Variants in NDUFA10 observed in about 807,000 individuals in gnomAD.
NDUFA10 encodes the protein NADH dehydrogenase [ubiquinone] 1 alpha subcomplex subunit 10, mitochondrial.
NDUFA10 carries 40 observed loss-of-function variants against 47.8 expected under a neutral mutation model. The ratio of observed to expected loss-of-function variants is 0.84; its 90% CI spans 0.65 to 1.09. The LOEUF (loss-of-function observed/expected upper bound fraction) is 1.09, where lower values mean the gene tolerates loss of function less well. Among genes scored for constraint, NDUFA10 ranks in the 50% least tolerant of loss-of-function variants. The pLI, the probability that NDUFA10 is intolerant of heterozygous loss-of-function variation, is 0.00. For synonymous variants in NDUFA10, 183 were observed against 172.2 expected, an observed-to-expected ratio of 1.06 and a Z score of -0.49; for missense variants, 413 against 451.1, an observed-to-expected ratio of 0.92 and a Z score of 0.76.
chr2:239,963,152 C>A (rs6722915), intron 9 of NDUFA10, among the ~76,000 whole-genome samples: 69,075 of 151,660 alleles, frequency 0.46, 15,985 homozygotes, highest in African/African-American at 0.53. Context: ...GGGACACACA[C>A]AAAAAAAGAA....
chr2:239,960,763 TG>T lies in NDUFA10; in HGVS notation c.*354del. On this transcript the variant is annotated 3_prime_UTR_variant, in exon 10 of 10. Transcript: ENST00000252711. ...ATTCCCATGGAAACACTTTTATTTC[TG>T]GAAGTCAGAAGAAAAACAATGTGCA... is the stretch of plus-strand genomic sequence containing the variant. 2 of 1,212,768 alleles carry T rather than the reference TG, an allele frequency of 1.6e-6. No individual in the cohort carries two copies. The highest frequency in any genetic ancestry group is 2.1e-6 in the Non-Finnish European group (2 of 958,668). The allele number at this position is 1,212,768 out of a possible 1,614,324, so 75.1% of individuals were successfully genotyped here.
rs1694734191 is a variant in NDUFA10, at chr2:239,958,881, CT to C, written c.*2236del. ...TGATTATTTCCTGATCTCCAAAGCA[CT>C]GAGAAGTCCAACATGGAATCCTGGA... On this transcript the variant is annotated 3_prime_UTR_variant, in exon 10 of 10. Coordinates refer to ENST00000252711, the MANE Select transcript of NDUFA10 (RefSeq NM_004544.4). 1.1e-6 allele frequency: 1 copy of C among 934,674 alleles called. No homozygotes were observed. The highest frequency in any genetic ancestry group is 1.2e-4 in the East Asian group (1 of 8,548). The allele number at this position is 934,674 out of a possible 1,614,324, so 57.9% of individuals were successfully genotyped here.
Position 239,959,504 on chromosome 2 carries a change from C to T in NDUFA10, c.*1614G>A. 1 of 985,500 alleles carries T rather than the reference C, an allele frequency of 1.0e-6. No individual in the cohort carries two copies. Among genetic ancestry groups the T allele is most frequent in the Non-Finnish European group, 1.2e-6 (1 of 829,942 alleles). 61.0% of individuals were successfully genotyped at this position (985,500 alleles called of 1,614,324 possible). On this transcript the variant is annotated 3_prime_UTR_variant, in exon 10 of 10. Coordinates refer to ENST00000252711, the MANE Select transcript of NDUFA10 (RefSeq NM_004544.4). ...GTGACTGGCCCAATGCCCAGCTGTG[C>T]TTTCATTTCATGATTAAAGCTGTTG...
rs1156768140 is a variant in NDUFA10 at position 239,980,033 on chromosome 2, C to T, written c.999+10041G>A. Reference sequence around the variant, plus strand: ...CCTGCTCCCCTACACCCCCACATCCCTCAGTCCCCTGCGTCAGGTGCCTGA... The same window carrying T: ...CCTGCTCCCCTACACCCCCACATCCTTCAGTCCCCTGCGTCAGGTGCCTGA... On this transcript the variant is annotated intron_variant, in intron 9 of 9. Coordinates refer to ENST00000252711, the MANE Select transcript of NDUFA10 (RefSeq NM_004544.4). Among the ~76,000 whole-genome samples, 5 of 152,298 alleles carry T rather than the reference C, an allele frequency of 3.3e-5. No individual in the cohort carries two copies. The East Asian group carries it at 7.7e-4, about 24-fold the overall frequency.
chr2:239,966,875 AAGAG>A (rs1448636346), intron 9 of NDUFA10, among the ~76,000 whole-genome samples: 1 of 123,954 alleles, frequency 8.1e-6, no homozygotes, highest in Non-Finnish European at 1.6e-5. Context: ...TTTTTTCCCT[AAGAG>A]AGAGAGATTA....
At chr2:239,968,870 C>CG (rs1302140001) in intron 9 of NDUFA10, among the ~76,000 whole-genome samples, 42 of 152,276 alleles carry the variant, frequency 2.8e-4, no homozygotes, top group Middle Eastern at 3.4e-3. Flanking sequence ...TCTCGCTGCA[C>CG]GCATGCAGCA....
intron 1 of NDUFA10, among the ~76,000 whole-genome samples, chr2:240,023,447 T>G (rs993457183): frequency 1.3e-5 from 2 of 152,152 alleles, no homozygotes; most frequent in African/African-American, 2.4e-5. Context: ...AGACAATGAG[T>G]ACCATCCTAA....
intron 4 of NDUFA10, among the ~76,000 whole-genome samples, chr2:239,914,958 TACACACAGAACAC>T (rs1414023785): frequency 3.1e-5 from 4 of 131,008 alleles, no homozygotes; most frequent in African/African-American, 1.2e-4. Context: ...TATATAAACA[TACACACAGAACAC>T]ACACACAGAC....
intron 4 of NDUFA10, among the ~76,000 whole-genome samples, chr2:240,015,777 C>T (rs563872078): frequency 6.6e-6 from 1 of 152,364 alleles, no homozygotes; most frequent in African/African-American, 2.4e-5. Context: ...GAGAAGCCAT[C>T]CCCTCTGCAG....
intron 4 of NDUFA10, among the ~76,000 whole-genome samples, chr2:239,903,626 A>T (rs1294442446): frequency 6.6e-6 from 1 of 152,274 alleles, no homozygotes; most frequent in Non-Finnish European, 1.5e-5. Flanking sequence ...TTATAAGGAA[A>T]AGAATGTCAA....
intron 3 of NDUFA10, among the ~76,000 whole-genome samples, 172 bp from the exon 4 acceptor site, chr2:240,018,811 A>G (rs1697480425): frequency 6.6e-6 from 1 of 152,230 alleles, no homozygotes; most frequent in Non-Finnish European, 1.5e-5. Flanking sequence ...ATTTTCAAAA[A>G]CTGAAGTATC....
intron 4 of NDUFA10, among the ~76,000 whole-genome samples, chr2:240,017,342 C>T (rs1033854135): frequency 4.6e-5 from 7 of 152,154 alleles, no homozygotes; most frequent in Admixed American, 3.9e-4. Context: ...CTGTGGCACA[C>T]GCAGGCTTCT....
intron 1 of NDUFA10, among the ~76,000 whole-genome samples, 173 bp from the exon 2 acceptor site, chr2:240,022,513 C>T (rs1697666066): frequency 6.6e-6 from 1 of 152,116 alleles, no homozygotes; most frequent in Non-Finnish European, 1.5e-5. Flanking sequence ...ACCACTCTGT[C>T]CATGTAAGTT....
At chr2:239,974,958 C>T (rs1695458990) in intron 9 of NDUFA10, among the ~76,000 whole-genome samples, 1 of 102,852 alleles carries the variant, frequency 9.7e-6, no homozygotes, top group Non-Finnish European at 2.0e-5. Context: ...AAACATGTGA[C>T]ACTCCTCCGC....
intron 9 of NDUFA10, among the ~76,000 whole-genome samples, chr2:239,977,608 A>G (rs1429134814): frequency 6.6e-6 from 1 of 152,228 alleles, no homozygotes; most frequent in South Asian, 2.1e-4. Context: ...AGAGAGACTC[A>G]TTAGCCATCA....
intron 4 of NDUFA10, among the ~76,000 whole-genome samples, chr2:239,940,890 G>A (rs572615301): frequency 3.6e-4 from 55 of 152,342 alleles, no homozygotes; most frequent in African/African-American, 1.2e-3. Context: ...AGAGTTATAA[G>A]ATAGTTCTAA....
chr2:239,906,004 C>T lies in NDUFA10; in HGVS notation c.295-10690G>A, dbSNP rs562371828. 2.9e-4 allele frequency among the ~76,000 whole-genome samples: 44 copies of T among 152,220 alleles called. No individual in the cohort carries two copies. Among genetic ancestry groups the T allele is most frequent in the African/African-American group, 9.6e-4 (40 of 41,534 alleles). On this transcript the variant is annotated intron_variant, in intron 4 of 5. Transcript: ENST00000419408. This position sits in a 1 kb window ranked among gnomAD's most constrained non-coding sequence, Gnocchi z 4.3. ...TCCCATGCGCGGGAGGCCTGGCCTC[C>T]TGTGGTGGGATCAGAATTCCCCTAA...
intron 9 of NDUFA10, among the ~76,000 whole-genome samples, chr2:239,966,466 G>A (rs1695063160): frequency 6.6e-6 from 1 of 152,148 alleles, no homozygotes; most frequent in Non-Finnish European, 1.5e-5. Context: ...TGGGAATGTG[G>A]ATCTGTACTT....
Position 239,969,880 on chromosome 2 carries a change from A to C in NDUFA10, c.1000-8694T>G. On this transcript the variant is annotated intron_variant, in intron 9 of 9. Transcript: ENST00000252711. ...GCACAGAAAGAAAAAGGCCAAAAAC[A>C]AATGGACAGAGTCACAGGGACCTGT... 3 of 419,040 alleles carry C rather than the reference A, an allele frequency of 7.2e-6. 1 individual carries two copies. Among genetic ancestry groups the C allele is most frequent in the Non-Finnish European group, 9.8e-6 (2 of 204,398 alleles). The allele number at this position is 419,040 out of a possible 1,614,324, so 26.0% of individuals were successfully genotyped here.
Sources: gnomAD v4.1 joint callset for allele counts (sites outside exome capture counted in the v4.1 genomes callset) on GRCh38, gnomAD v4.1.1 for gene constraint, Gnocchi (gnomAD v3.1) non-coding constraint, MANE v1.5 for transcripts, NCBI Gene and HGNC (gene_info 2026-07-23, HGNC 2026-07-21) for gene names.